Variants in TENM1 observed in about 807,000 individuals in gnomAD.
TENM1 encodes the protein teneurin-1.
A neutral mutation model predicts 174.8 loss-of-function variants in TENM1; 35 were observed. The observed-to-expected ratio is 0.20, with a 90% CI of 0.15 to 0.27. The LOEUF is 0.27. Ranked by LOEUF, TENM1 falls within the 10% of genes least tolerant of loss-of-function variation. The pLI is 1.00. For missense variants in TENM1, 1,633 were observed against 2,130.1 expected (o/e 0.77, Z 4.59); for synonymous variants, 781 against 798.7 (o/e 0.98, Z 0.37).
intron 3 of TENM1, among the ~76,000 whole-genome samples, chrX:124,738,025 G>T (rs2053716339): frequency 9.0e-6 from 1 of 111,641 alleles, no homozygotes; most frequent in Non-Finnish European, 1.9e-5. Context: ...TGTTTTCCTG[G>T]CAGGCACACG....
chrX:125,162,023 C>T, the TENM1 span, among the ~76,000 whole-genome samples: 2 of 111,594 alleles, frequency 1.8e-5, no homozygotes, highest in African/African-American at 3.3e-5. Context: ...AGGCTCCTTG[C>T]GGTAAAGAGG....
chrX:124,657,978 C>T (rs950692990), intron 6 of TENM1, among the ~76,000 whole-genome samples: 11 of 111,993 alleles, frequency 9.8e-5, no homozygotes, highest in African/African-American at 2.3e-4. Flanking sequence ...GTGTGTCTCA[C>T]GATATAAGTA....
At chrX:124,428,504 C>A (rs1403173435) in intron 23 of TENM1, among the ~76,000 whole-genome samples, 2 of 112,082 alleles carry the variant, frequency 1.8e-5, no homozygotes, top group African/African-American at 6.5e-5. Flanking sequence ...GGGCTCCCTC[C>A]AACAGTTTGA....
the TENM1 span, among the ~76,000 whole-genome samples, chrX:125,160,115 G>A: frequency 9.3e-6 from 1 of 107,326 alleles, no homozygotes. Flanking sequence ...CAGGAGAATT[G>A]CTTGAACCTG....
intron 22 of TENM1, among the ~76,000 whole-genome samples, chrX:124,458,073 T>C (rs1002913606): frequency 8.9e-6 from 1 of 111,948 alleles, no homozygotes; most frequent in Admixed American, 9.5e-5. Flanking sequence ...CAATCTCCAA[T>C]ACTGAGAGTG....
At chrX:124,475,407 C>T (rs1349079894) in intron 22 of TENM1, among the ~76,000 whole-genome samples, 1 of 111,305 alleles carries the variant, frequency 9.0e-6, no homozygotes, top group African/African-American at 3.3e-5. Context: ...CATTGGCCTC[C>T]CACGATTTAT....
At chrX:125,021,553 G>A in the TENM1 span, among the ~76,000 whole-genome samples, 1 of 110,974 alleles carries the variant, frequency 9.0e-6, no homozygotes, top group Non-Finnish European at 1.9e-5. Context: ...TGAAAACCAT[G>A]TCATGAATCT....
chrX:124,771,239 G>A (rs1486377464), intron 3 of TENM1, among the ~76,000 whole-genome samples: 1 of 112,446 alleles, frequency 8.9e-6, no homozygotes, highest in African/African-American at 3.2e-5. Context: ...TGTTCAGTAA[G>A]CACAACATTT....
chrX:124,474,977 T>C (rs1266998740), intron 22 of TENM1, among the ~76,000 whole-genome samples: 1 of 111,774 alleles, frequency 8.9e-6, no homozygotes, highest in Non-Finnish European at 1.9e-5. Flanking sequence ...CATGTTTTTT[T>C]CAAGATGTTT....
chrX:124,680,504 G>A (rs964565770), intron 5 of TENM1, among the ~76,000 whole-genome samples: 2 of 110,333 alleles, frequency 1.8e-5, no homozygotes, highest in African/African-American at 6.6e-5. Flanking sequence ...GTTGCATAAC[G>A]GGCCCATCTG....
intron 25 of TENM1, among the ~76,000 whole-genome samples, chrX:124,410,590 C>T (rs1366569864): frequency 9.0e-6 from 1 of 111,497 alleles, no homozygotes; most frequent in Non-Finnish European, 1.9e-5. Context: ...AGGCAACCTA[C>T]AGAACGGGAG....
intron 11 of TENM1, among the ~76,000 whole-genome samples, chrX:124,576,204 T>A: frequency 9.0e-6 from 1 of 110,656 alleles, no homozygotes; most frequent in Middle Eastern, 4.6e-3. Context: ...AGACTACAGG[T>A]ACACACCACC....
At chrX:125,052,374 C>T in the TENM1 span, among the ~76,000 whole-genome samples, 1 of 111,692 alleles carries the variant, frequency 9.0e-6, no homozygotes, top group South Asian at 3.7e-4. Context: ...TTGCCAGAAA[C>T]GAGAACACAT....
the TENM1 span, among the ~76,000 whole-genome samples, chrX:124,972,166 T>C: frequency 2.7e-3 from 287 of 107,808 alleles, 2 homozygotes; most frequent in African/African-American, 9.2e-3. Context: ...CTGGGAGGCA[T>C]AGGTTGCAGT....
the TENM1 span, among the ~76,000 whole-genome samples, chrX:125,096,302 T>TA: frequency 8.9e-6 from 1 of 112,012 alleles, no homozygotes; most frequent in Non-Finnish European, 1.9e-5. Context: ...CAAGTTGTGC[T>TA]AAAAAATAAG....
chrX:125,036,519 T>A, the TENM1 span, among the ~76,000 whole-genome samples: 3 of 111,588 alleles, frequency 2.7e-5, no homozygotes, highest in East Asian at 8.5e-4. Flanking sequence ...CAAAATCTAT[T>A]TGTATTCAGA....
the TENM1 span, among the ~76,000 whole-genome samples, chrX:125,007,375 T>G: frequency 2.8e-5 from 3 of 107,243 alleles, no homozygotes; most frequent in African/African-American, 1.0e-4. Flanking sequence ...CTGAGAAACA[T>G]GGACTATGTA....
the TENM1 span, among the ~76,000 whole-genome samples, chrX:125,169,849 GGAAATAACATA>G: frequency 1.8e-5 from 2 of 109,138 alleles, no homozygotes; most frequent in Non-Finnish European, 3.8e-5. Flanking sequence ...AGTAAGTGTG[GGAAATAACATA>G]GAAATTCAAA....
At chrX:124,462,423 T>G (rs1199045961) in intron 22 of TENM1, among the ~76,000 whole-genome samples, 1 of 66,515 alleles carries the variant, frequency 1.5e-5, no homozygotes, top group East Asian at 5.0e-4. Flanking sequence ...AGATACTGTG[T>G]GTGTGTGTGG....
Sources: gnomAD v4.1 joint callset for allele counts (sites outside exome capture counted in the v4.1 genomes callset) on GRCh38, gnomAD v4.1.1 for gene constraint, MANE v1.5 for transcripts, NCBI Gene and HGNC (gene_info 2026-07-23, HGNC 2026-07-21) for gene names.